PDE10A: variants seen among roughly 807,000 people sequenced by gnomAD.
The protein encoded by PDE10A is cAMP and cAMP-inhibited cGMP 3',5'-cyclic phosphodiesterase 10A.
In PDE10A, 39 loss-of-function variants were observed where a neutral mutation model predicts 97.7. That is an observed-to-expected ratio of 0.40 (90% CI 0.31 to 0.52). The LOEUF is 0.52. Among genes scored for constraint, PDE10A ranks in the 20% least tolerant of loss-of-function variants. The pLI is 0.56. For missense variants in PDE10A, 731 were observed against 1,047.8 expected, an observed-to-expected ratio of 0.70 and a Z score of 4.17; for synonymous variants, 371 against 376.8, an observed-to-expected ratio of 0.98 and a Z score of 0.18.
chr6:165,900,676 T>G lies in PDE10A; in HGVS notation c.-615+86853A>C, dbSNP rs146099554. 2.3e-3 allele frequency among the ~76,000 whole-genome samples: 348 copies of G among 152,268 alleles called. 2 individuals carry two copies. Among genetic ancestry groups the G allele is most frequent in the African/African-American group, 7.9e-3 (327 of 41,550 alleles). On this transcript the variant is annotated intron_variant, in intron 1 of 19. Coordinates refer to the PDE10A transcript ENST00000366882. Reference sequence around the variant, plus strand: ...TTCCAAACCCAGTGAGTATTGGTTATAATTGGTTGGTAACAGAAAAAGGAT... The same window carrying G: ...TTCCAAACCCAGTGAGTATTGGTTAGAATTGGTTGGTAACAGAAAAAGGAT...
At chr6:165,401,598 C>T (rs1786668620) in intron 13 of PDE10A, among the ~76,000 whole-genome samples, 1 of 152,178 alleles carries the variant, frequency 6.6e-6, no homozygotes. Flanking sequence ...AAATCATCTT[C>T]ATAACCGTGA....
intron 19 of PDE10A, among the ~76,000 whole-genome samples, chr6:165,343,138 A>C (rs1267338780): frequency 6.6e-6 from 1 of 152,244 alleles, no homozygotes; most frequent in Non-Finnish European, 1.5e-5. Flanking sequence ...GATAACTGTT[A>C]TACTACTGTT....
chr6:165,627,133 A>T (rs4709082), intron 1 of PDE10A, among the ~76,000 whole-genome samples: 81,700 of 152,054 alleles, frequency 0.54, 23,543 homozygotes, highest in East Asian at 0.73. Context: ...AGAAGTTTTA[A>T]TTGCGGCTTT....
intron 1 of PDE10A, among the ~76,000 whole-genome samples, chr6:165,614,379 C>G (rs1787630332): frequency 6.6e-6 from 1 of 152,148 alleles, no homozygotes; most frequent in Non-Finnish European, 1.5e-5. Flanking sequence ...AGCTTCACAT[C>G]CAACCACTCA....
At chr6:165,733,460 C>A (rs929673676) in intron 1 of PDE10A, among the ~76,000 whole-genome samples, 3 of 152,160 alleles carry the variant, frequency 2.0e-5, no homozygotes, top group Non-Finnish European at 4.4e-5. Flanking sequence ...ATGAAACAGA[C>A]TTTTCTACTA....
At chr6:165,813,251 T>C (rs1779325925) in intron 1 of PDE10A, among the ~76,000 whole-genome samples, 1 of 151,658 alleles carries the variant, frequency 6.6e-6, no homozygotes, top group Non-Finnish European at 1.5e-5. Context: ...AAACAGGTTG[T>C]GTTTAAAAAT....
At chr6:165,585,900 T>A (rs939060647) in intron 1 of PDE10A, among the ~76,000 whole-genome samples, 1 of 152,112 alleles carries the variant, frequency 6.6e-6, no homozygotes, top group Non-Finnish European at 1.5e-5. Flanking sequence ...CATCCCCCCC[T>A]TGCGCTAAGT....
chr6:165,868,910 A>C (rs1370759787), intron 1 of PDE10A, among the ~76,000 whole-genome samples: 1 of 151,940 alleles, frequency 6.6e-6, no homozygotes, highest in African/African-American at 2.4e-5. Flanking sequence ...CAGAATGAAG[A>C]ACAAAATCCA....
chr6:165,851,603 C>T (rs1413886209), intron 1 of PDE10A, among the ~76,000 whole-genome samples: 2 of 152,078 alleles, frequency 1.3e-5, no homozygotes, highest in Non-Finnish European at 2.9e-5. Flanking sequence ...GAATAGATTA[C>T]TTTGGGTGTT....
At chr6:165,615,656 A>C (rs189726327) in intron 1 of PDE10A, among the ~76,000 whole-genome samples, 4 of 152,346 alleles carry the variant, frequency 2.6e-5, no homozygotes, top group Admixed American at 6.5e-5. Context: ...CTATAAAGTA[A>C]TAATTTATCC....
chr6:165,849,591 T>A (rs939091705), intron 1 of PDE10A, among the ~76,000 whole-genome samples: 8 of 152,234 alleles, frequency 5.3e-5, no homozygotes, highest in African/African-American at 1.9e-4. Flanking sequence ...ATTCGCTGCC[T>A]AACCCAATTC....
intron 1 of PDE10A, among the ~76,000 whole-genome samples, chr6:165,881,534 G>A (rs1382872107): frequency 1.3e-5 from 2 of 150,286 alleles, no homozygotes; most frequent in Non-Finnish European, 3.0e-5. Context: ...GATTAGCTGG[G>A]ACTACAGGTG....
chr6:165,700,356 T>C (rs576046425), intron 1 of PDE10A, among the ~76,000 whole-genome samples: 1 of 152,280 alleles, frequency 6.6e-6, no homozygotes, highest in African/African-American at 2.4e-5. Context: ...GGGGTGTCTT[T>C]TCAAAGTAAT....
At chr6:165,863,565 C>T (rs1253054877) in intron 1 of PDE10A, among the ~76,000 whole-genome samples, 1 of 152,190 alleles carries the variant, frequency 6.6e-6, no homozygotes, top group African/African-American at 2.4e-5. Flanking sequence ...TCCTTTCTCC[C>T]ATTTGTCCCA....
At chr6:165,414,544 C>T (rs1295423168) in intron 12 of PDE10A, among the ~76,000 whole-genome samples, 3 of 152,072 alleles carry the variant, frequency 2.0e-5, no homozygotes, top group Non-Finnish European at 4.4e-5. Context: ...ATGGACATAT[C>T]GTATTTTGTT....
chr6:165,869,919 G>A (rs985568108), intron 1 of PDE10A, among the ~76,000 whole-genome samples: 15 of 151,966 alleles, frequency 9.9e-5, no homozygotes, highest in African/African-American at 3.4e-4. Context: ...CTGGACCCCT[G>A]CCTCTCATCA....
chr6:165,564,316 AG>A (rs1784668745), intron 1 of PDE10A, among the ~76,000 whole-genome samples: 1 of 152,208 alleles, frequency 6.6e-6, no homozygotes, highest in Non-Finnish European at 1.5e-5. Flanking sequence ...GAGGCACCCA[AG>A]GCTCTCTAGT....
intron 1 of PDE10A, among the ~76,000 whole-genome samples, chr6:165,765,834 C>A (rs914194224): frequency 9.9e-5 from 15 of 152,148 alleles, no homozygotes; most frequent in African/African-American, 3.6e-4. Flanking sequence ...GACTGCCAGC[C>A]CGCTGTCACC....
intron 2 of PDE10A, among the ~76,000 whole-genome samples, chr6:165,540,530 T>C (rs756793345): frequency 7.9e-5 from 12 of 152,158 alleles, no homozygotes; most frequent in Admixed American, 1.3e-4. Context: ...GTTCCACTCA[T>C]GGAAATGAAA....
Sources: allele counts gnomAD v4.1 joint callset (sites outside exome capture counted in the v4.1 genomes callset), GRCh38; gene constraint gnomAD v4.1.1; transcripts MANE v1.5; gene names NCBI Gene and HGNC (gene_info 2026-07-23, HGNC 2026-07-21).